Variants in AP4S1 observed in about 807,000 individuals in gnomAD.
The protein encoded by AP4S1 is adaptor related protein complex 4 subunit sigma 1.
Under a neutral mutation model 19.8 loss-of-function variants are expected in AP4S1, and 23 were observed. That is an observed-to-expected ratio of 1.16 (90% CI 0.84 to 1.65). AP4S1 has a LOEUF of 1.65. AP4S1 is among the 40% of genes most tolerant of loss of function. The pLI is 0.00. For missense variants in AP4S1, 166 were observed against 172.8 expected (o/e 0.96, Z 0.22); for synonymous variants, 46 against 54.1 (o/e 0.85, Z 0.66).
chr14:31,048,093 ATT>A (rs1160411626), intron 1 of AP4S1, among the ~76,000 whole-genome samples: 7 of 136,438 alleles, frequency 5.1e-5, no homozygotes, highest in Non-Finnish European at 8.0e-5. Flanking sequence ...TATTTCTTTA[ATT>A]TTTTTTTTTT....
chr14:31,037,584 A>G (rs1884855363), intron 1 of AP4S1, among the ~76,000 whole-genome samples: 1 of 152,212 alleles, frequency 6.6e-6, no homozygotes, highest in South Asian at 2.1e-4. Context: ...TGTGAGATAC[A>G]GAAGTGTAAA....
intron 2 of AP4S1, among the ~76,000 whole-genome samples, chr14:31,067,622 G>A (rs1407965714): frequency 1.3e-5 from 2 of 151,196 alleles, no homozygotes; most frequent in African/African-American, 2.4e-5. Context: ...GGGTTCAAGC[G>A]ATTCTCCCGC....
chr14:31,035,346 C>T (rs1053997474), intron 1 of AP4S1, among the ~76,000 whole-genome samples: 2 of 150,686 alleles, frequency 1.3e-5, no homozygotes, highest in Admixed American at 6.6e-5. Context: ...AAGCACACGC[C>T]GCCACACCCA....
chr14:31,058,207 G>A (rs1299723402), intron 1 of AP4S1, among the ~76,000 whole-genome samples: 6 of 152,132 alleles, frequency 3.9e-5, no homozygotes, highest in Non-Finnish European at 8.8e-5. Flanking sequence ...TGGGATTACA[G>A]GCATGAACCA....
chr14:31,095,779 T>C lies in AP4S1; in HGVS notation c.*2744T>C, dbSNP rs1315985945. The C allele has an allele frequency of 1.3e-5, 2 of 152,114 alleles. No homozygotes were observed. The highest frequency in any genetic ancestry group is 2.9e-5 in the Non-Finnish European group (2 of 68,002). The allele number at this position is 152,114 out of a possible 1,614,324, so 9.4% of individuals were successfully genotyped here. A position where few individuals can be genotyped will look rare whatever the true frequency, so the allele number is the denominator to read the frequency against. ...TAAGCTTACTGTTAATGAAATTTAG[T>C]TCAAAGTTTAAAAGTAGAATGCAGC... On this transcript the variant is annotated 3_prime_UTR_variant, in exon 6 of 6. Coordinates refer to ENST00000542754, the MANE Select transcript of AP4S1 (RefSeq NM_001128126.3).
At chr14:31,039,278 C>T (rs1884958483) in intron 1 of AP4S1, among the ~76,000 whole-genome samples, 3 of 151,804 alleles carry the variant, frequency 2.0e-5, no homozygotes, top group Admixed American at 2.0e-4. Flanking sequence ...CTCCACCTCC[C>T]AGGTTCATGC....
At chr14:31,077,372 G>A (rs997505322) in intron 4 of AP4S1, among the ~76,000 whole-genome samples, 3 of 152,246 alleles carry the variant, frequency 2.0e-5, no homozygotes, top group East Asian at 1.9e-4. Flanking sequence ...ACTAAAACCC[G>A]GAAAGGGCAA....
intron 4 of AP4S1, chr14:31,073,247 T>C (rs970480483): frequency 5.7e-5 from 21 of 367,848 alleles, no homozygotes; most frequent in Non-Finnish European, 9.8e-5. Context: ...TCCCAGCACT[T>C]TGGGAGGCTA....
intron 1 of AP4S1, among the ~76,000 whole-genome samples, chr14:31,036,194 T>A (rs367773767): frequency 6.6e-6 from 1 of 151,822 alleles, no homozygotes; most frequent in Non-Finnish European, 1.5e-5. Flanking sequence ...AAAAAAATAA[T>A]AATTTAATAA....
chr14:31,050,896 C>T (rs1166005122), intron 1 of AP4S1, among the ~76,000 whole-genome samples: 1 of 151,934 alleles, frequency 6.6e-6, no homozygotes, highest in Non-Finnish European at 1.5e-5. Flanking sequence ...TCTTGTTTTT[C>T]ATGACTGTGG....
At chr14:31,061,878 G>A (rs1211179578) in intron 1 of AP4S1, among the ~76,000 whole-genome samples, 1 of 152,044 alleles carries the variant, frequency 6.6e-6, no homozygotes, top group Non-Finnish European at 1.5e-5. Context: ...CTGACCTCAT[G>A]ATCCGCCCGC....
intron 1 of AP4S1, among the ~76,000 whole-genome samples, chr14:31,061,464 C>T (rs1488944709): frequency 6.6e-6 from 1 of 152,188 alleles, no homozygotes; most frequent in Non-Finnish European, 1.5e-5. Flanking sequence ...AGCAAACTGA[C>T]TCTTAACAGA....
intron 1 of AP4S1, among the ~76,000 whole-genome samples, chr14:31,054,006 A>T (rs1297879799): frequency 6.6e-6 from 1 of 152,158 alleles, no homozygotes; most frequent in Non-Finnish European, 1.5e-5. Context: ...AGGGTATTTT[A>T]TATGTCTGCT....
chr14:31,067,006 G>A (rs1363314306), intron 2 of AP4S1, among the ~76,000 whole-genome samples: 2 of 152,128 alleles, frequency 1.3e-5, no homozygotes, highest in Non-Finnish European at 2.9e-5. Context: ...AGGCTGAAGC[G>A]GGTGGATCAC....
At chr14:31,073,029 G>T in intron 4 of AP4S1, 56 bp downstream of exon 4, 1 of 1,399,388 alleles carries the variant, frequency 7.1e-7, no homozygotes, top group African/African-American at 1.4e-5. Flanking sequence ...CCCAGAAATT[G>T]AGTCTCTTTG....
chr14:31,026,136 GGGGCCGCCATCCCC>G, intron 1 of AP4S1: 1 of 1,497,030 alleles, frequency 6.7e-7, no homozygotes, highest in Non-Finnish European at 8.9e-7. Context: ...CTGCCGGGGA[GGGGCCGCCATCCCC>G]GGGCCGCCAC....
intron 1 of AP4S1, among the ~76,000 whole-genome samples, chr14:31,036,962 G>A (rs986563217): frequency 6.6e-6 from 1 of 152,108 alleles, no homozygotes; most frequent in Non-Finnish European, 1.5e-5. Context: ...AGAGGCGCAT[G>A]CCACTATGCC....
intron 1 of AP4S1, chr14:31,026,246 A>C (rs1029149367): frequency 2.2e-6 from 3 of 1,360,610 alleles, no homozygotes; most frequent in Non-Finnish European, 1.9e-6. Flanking sequence ...GAAGGGCCGG[A>C]GAGGGTGGCC....
Position 31,026,112 on chromosome 14 carries a change from C to T in AP4S1, c.-72+325C>T, listed in dbSNP as rs765951568. The stretch of plus-strand genomic sequence containing the variant: ...CCCGGGCGAAAGGCCCAGGTTCCCC[C>T]CAGGTCCCTGCTGCTGCCGGGGAGG... On this transcript the variant is annotated intron_variant, in intron 1 of 5. Transcript: ENST00000542754. The T allele has an allele frequency of 9.4e-5, 142 of 1,515,372 alleles. No homozygotes were observed. Among genetic ancestry groups the T allele is most frequent in the Non-Finnish European group, 1.2e-4 (133 of 1,135,574 alleles). The allele number at this position is 1,515,372 out of a possible 1,614,324, so 93.9% of individuals were successfully genotyped here. A position where few individuals can be genotyped will look rare whatever the true frequency, so the allele number is the denominator to read the frequency against.
Sources: gnomAD v4.1 joint callset for allele counts (sites outside exome capture counted in the v4.1 genomes callset) on GRCh38, gnomAD v4.1.1 for gene constraint, MANE v1.5 for transcripts, NCBI Gene and HGNC (gene_info 2026-07-23, HGNC 2026-07-21) for gene names.